Variants in GPC5 observed in about 807,000 individuals in gnomAD.
The protein encoded by GPC5 is glypican 5, also known as glypican-5.
Under a neutral mutation model 53.9 loss-of-function variants are expected in GPC5, and 47 were observed. The ratio of observed to expected loss-of-function variants is 0.87; its 90% confidence interval spans 0.69 to 1.11. The LOEUF is 1.11. GPC5 is among the 50% of genes most tolerant of loss of function. The pLI, the probability that GPC5 is intolerant of heterozygous loss-of-function variation, is 0.00. For synonymous variants in GPC5, 286 were observed against 263.3 expected, an observed-to-expected ratio of 1.09 and a Z score of -0.84; for missense variants, 748 against 713.1, an observed-to-expected ratio of 1.05 and a Z score of -0.56.
intron 2 of GPC5, among the ~76,000 whole-genome samples, chr13:91,494,633 C>A (rs993267173): frequency 2.0e-5 from 3 of 152,122 alleles, no homozygotes; most frequent in Admixed American, 2.0e-4. Flanking sequence ...CTAGTGATCT[C>A]CACATCGTTA....
At chr13:92,390,902 G>A (rs142925831) in intron 7 of GPC5, among the ~76,000 whole-genome samples, 1 of 152,130 alleles carries the variant, frequency 6.6e-6, no homozygotes, top group African/African-American at 2.4e-5. Context: ...GGTTCAACTG[G>A]TCACATAATC....
chr13:91,449,200 A>G (rs1056974061), intron 2 of GPC5, among the ~76,000 whole-genome samples: 33 of 152,130 alleles, frequency 2.2e-4, no homozygotes, highest in African/African-American at 7.7e-4. Context: ...AGGTCTGCCA[A>G]CATTCTGACT....
chr13:91,828,294 CT>C (rs2038604718), intron 5 of GPC5, among the ~76,000 whole-genome samples: 1 of 151,978 alleles, frequency 6.6e-6, no homozygotes, highest in African/African-American at 2.4e-5. Flanking sequence ...ACACTCACCC[CT>C]CATACACACA....
intron 2 of GPC5, among the ~76,000 whole-genome samples, chr13:91,516,245 C>T (rs953276684): frequency 6.6e-6 from 1 of 152,176 alleles, no homozygotes; most frequent in African/African-American, 2.4e-5. Flanking sequence ...GAAGGCAAGT[C>T]TCTTCTGCCT....
intron 7 of GPC5, among the ~76,000 whole-genome samples, chr13:92,245,375 C>T (rs576736869): frequency 2.9e-4 from 44 of 152,146 alleles, no homozygotes; most frequent in African/African-American, 1.1e-3. Context: ...ACCATTTATC[C>T]CCACTTGGAA....
rs572649322 is a variant in GPC5 at position 91,417,050 on chromosome 13, G to C, written c.163+17841G>C. Among the ~76,000 whole-genome samples the C allele has an allele frequency of 1.4e-4, 22 of 152,304 alleles. No homozygotes were observed. In the South Asian group the frequency reaches 2.3e-3, roughly 16 times the overall value. ...ACTTCTTGAAAAAGTGGATGGAACAGAGTGGGGTGGATGGAGCAGAGGGGG... is the reference window on the plus strand; with the variant it reads ...ACTTCTTGAAAAAGTGGATGGAACACAGTGGGGTGGATGGAGCAGAGGGGG... On this transcript the variant is annotated intron_variant, in intron 1 of 7. Transcript: ENST00000377067.
chr13:92,153,888 AT>A (rs2041924637), intron 7 of GPC5, among the ~76,000 whole-genome samples: 1 of 152,186 alleles, frequency 6.6e-6, no homozygotes, highest in Admixed American at 6.5e-5. Context: ...TATATGACAA[AT>A]TTTTGCTTCC....
intron 6 of GPC5, among the ~76,000 whole-genome samples, chr13:92,115,431 G>A (rs745636884): frequency 5.3e-5 from 8 of 152,048 alleles, no homozygotes; most frequent in Admixed American, 1.3e-4. Flanking sequence ...GCTTGAACAC[G>A]GGAGGCGGAG....
intron 6 of GPC5, among the ~76,000 whole-genome samples, chr13:92,097,417 C>T (rs564442978): frequency 7.9e-5 from 12 of 152,138 alleles, no homozygotes; most frequent in African/African-American, 2.7e-4. Flanking sequence ...CTGCCAAGAA[C>T]GTGTACTCTG....
chr13:92,196,407 T>C (rs556776689), intron 7 of GPC5, among the ~76,000 whole-genome samples: 10 of 152,298 alleles, frequency 6.6e-5, no homozygotes, highest in African/African-American at 2.4e-4. Flanking sequence ...TTAATATCTA[T>C]TTTAAATTTT....
chr13:92,456,074 A>G (rs1339738493), intron 7 of GPC5, among the ~76,000 whole-genome samples: 2 of 152,234 alleles, frequency 1.3e-5, no homozygotes, highest in South Asian at 2.1e-4. Context: ...AAAGGATACA[A>G]TAATTGTTGC....
rs947255245 is a variant in GPC5 at position 91,975,276 on chromosome 13, T to G, written c.1401+67219T>G. Among the ~76,000 whole-genome samples the G allele has an allele frequency of 1.2e-4, 18 of 152,264 alleles. No individual in the cohort carries two copies. In the South Asian group the frequency reaches 1.9e-3, roughly 16 times the overall value. ...AAAGCCAAAATTGACAAATGGGATC[T>G]AATTAAACTAAAGAGCTTCTGCACA... On this transcript the variant is annotated intron_variant, in intron 6 of 7. Coordinates refer to ENST00000377067, the MANE Select transcript of GPC5 (RefSeq NM_004466.6).
rs889294113 is a variant in GPC5 at position 91,865,331 on chromosome 13, T to TA, written c.1281-42598dup. Reference sequence around the variant, plus strand: ...TTCTTTTCTGTTTTCCACTTTCTCTTAAAAAAAATGTATCTCGTGTACAAA... The same window carrying TA: ...TTCTTTTCTGTTTTCCACTTTCTCTTAAAAAAAAATGTATCTCGTGTACAAA... On this transcript the variant is annotated intron_variant, in intron 5 of 7. Coordinates refer to ENST00000377067, the MANE Select transcript of GPC5 (RefSeq NM_004466.6). Among the ~76,000 whole-genome samples, 22 of 151,920 alleles carry TA rather than the reference T, an allele frequency of 1.4e-4. No individual in the cohort carries two copies. In the South Asian group the frequency reaches 1.9e-3, roughly 13 times the overall value.
intron 7 of GPC5, among the ~76,000 whole-genome samples, chr13:92,702,558 G>A (rs1008890956): frequency 6.6e-6 from 1 of 152,026 alleles, no homozygotes; most frequent in South Asian, 2.1e-4. Context: ...AAATCCTCTC[G>A]ATTCTATCTC....
intron 2 of GPC5, among the ~76,000 whole-genome samples, chr13:91,610,843 C>G (rs1253362965): frequency 3.3e-5 from 5 of 152,068 alleles, no homozygotes; most frequent in Non-Finnish European, 7.4e-5. Context: ...CATGTTCTTG[C>G]CAGTAGAGAG....
chr13:92,556,336 A>G (rs911429503), intron 7 of GPC5, among the ~76,000 whole-genome samples: 1 of 151,878 alleles, frequency 6.6e-6, no homozygotes, highest in Non-Finnish European at 1.5e-5. Flanking sequence ...TAGTTTATTA[A>G]TAGTTCAGGT....
chr13:92,115,653 C>A (rs1041305122), intron 6 of GPC5, among the ~76,000 whole-genome samples: 32 of 152,294 alleles, frequency 2.1e-4, no homozygotes, highest in African/African-American at 7.0e-4. Context: ...CAGCAAGCAG[C>A]GTCTGGAGTC....
chr13:92,466,191 T>TATGC (rs1878684299), intron 7 of GPC5, among the ~76,000 whole-genome samples: 1 of 151,324 alleles, frequency 6.6e-6, no homozygotes, highest in Admixed American at 6.6e-5. Context: ...TAATTAAAAA[T>TATGC]ATAAATATAG....
chr13:91,675,906 C>T (rs1180038628), intron 2 of GPC5, among the ~76,000 whole-genome samples: 1 of 152,136 alleles, frequency 6.6e-6, no homozygotes, highest in Admixed American at 6.5e-5. Flanking sequence ...CATCGAATAT[C>T]TCACTCCAGG....
Sources: allele counts gnomAD v4.1 joint callset (sites outside exome capture counted in the v4.1 genomes callset), GRCh38; gene constraint gnomAD v4.1.1; transcripts MANE v1.5; gene names NCBI Gene and HGNC (gene_info 2026-07-23, HGNC 2026-07-21).